Variants in PKD1L3 observed in about 807,000 individuals in gnomAD.
The protein encoded by PKD1L3 is polycystin 1 like 3, transient receptor potential channel interacting.
In PKD1L3, 239 loss-of-function variants were observed where a neutral mutation model predicts 184.1. That is an observed-to-expected ratio of 1.30 (90% CI 1.17 to 1.45). The LOEUF is 1.45. Among genes scored for constraint, PKD1L3 ranks in the 40% most tolerant of loss-of-function variants. The probability of loss-of-function intolerance (pLI) is 0.00; values close to 1 mark genes in which losing one functional copy is unlikely to be tolerated. For missense variants in PKD1L3, 2,660 were observed against 2,067.2 expected, an observed-to-expected ratio of 1.29 and a Z score of -5.56; for synonymous variants, 996 against 778.8, an observed-to-expected ratio of 1.28 and a Z score of -4.64.
rs1418897327 is a variant in PKD1L3 at position 71,947,550 on chromosome 16, C to T, written c.3660G>A (p.Arg1220=). 6.5e-7 allele frequency: 1 copy of T among 1,548,108 alleles called. No homozygotes were observed. The highest frequency in any genetic ancestry group is 1.4e-5 in the African/African-American group (1 of 73,060). ...CATTCTCTTTGTTAAGCCGTGGCATCCTGCTCATCATCAGTGAGTATAAGA... is the reference window on the plus strand; with the variant it reads ...CATTCTCTTTGTTAAGCCGTGGCATTCTGCTCATCATCAGTGAGTATAAGA... ...FTFLYSLMMS[R]MPRLNKENEQ... is the part of the protein sequence containing the mutation. Residue 1220 remains arginine (R), a synonymous_variant, in exon 22 of 30, where the codon AGG becomes AGA. Coordinates refer to ENST00000620267, the MANE Select transcript of PKD1L3 (RefSeq NM_181536.2).
At chr16:71,955,082 G>T (rs2038993503) in intron 16 of PKD1L3, among the ~76,000 whole-genome samples, 1 of 152,188 alleles carries the variant, frequency 6.6e-6, no homozygotes, top group African/African-American at 2.4e-5. Flanking sequence ...TAAGTCAAGA[G>T]ATCCAAGGCT....
intron 26 of PKD1L3, 37 bp from the exon 27 acceptor site, chr16:71,934,162 G>T (rs931555281): frequency 2.7e-5 from 42 of 1,543,968 alleles, no homozygotes; most frequent in Non-Finnish European, 3.7e-5. Flanking sequence ...TCAGCAAGAA[G>T]TATGTGCCTA....
chr16:71,944,471 A>G (rs1209001887), intron 22 of PKD1L3, among the ~76,000 whole-genome samples: 1 of 152,098 alleles, frequency 6.6e-6, no homozygotes, highest in East Asian at 1.9e-4. Flanking sequence ...GGATCACTTG[A>G]GGCCAGGAGT....
chr16:71,983,454 G>C (rs1437548767), intron 6 of PKD1L3, among the ~76,000 whole-genome samples: 1 of 151,940 alleles, frequency 6.6e-6, no homozygotes, highest in East Asian at 1.9e-4. Flanking sequence ...ACTGAATGCC[G>C]ACAGACTTCT....
chr16:71,942,423 T>C (rs973294301), intron 24 of PKD1L3, 137 bp downstream of exon 24: 1 of 669,422 alleles, frequency 1.5e-6, no homozygotes, highest in South Asian at 2.0e-5. Context: ...CTTTTGGAGA[T>C]GTAAGTCTCC....
chr16:71,978,686 C>A (rs753070172), intron 9 of PKD1L3, among the ~76,000 whole-genome samples: 3 of 151,598 alleles, frequency 2.0e-5, no homozygotes, highest in Admixed American at 6.6e-5. Flanking sequence ...ACTACAGGTG[C>A]ACACCACCAT....
rs183432663 is a variant in PKD1L3, at chr16:71,959,038, T to A, written c.2612+4167A>T. Among the ~76,000 whole-genome samples the A allele has an allele frequency of 9.9e-3, 1,358 of 137,624 alleles. 10 individuals are homozygous for A. Among genetic ancestry groups the A allele is most frequent in the Non-Finnish European group, 0.015 (1,002 of 65,834 alleles). 90.3% of individuals were successfully genotyped at this position (137,624 alleles called of 152,430 possible). A position where few individuals can be genotyped will look rare whatever the true frequency, so the allele number is the denominator to read the frequency against. ...GGCAGAGGTTATAGTAAGCTGAGATTGCACCACTGCACTCCAGCCTGGATG... is the reference window on the plus strand; with the variant it reads ...GGCAGAGGTTATAGTAAGCTGAGATAGCACCACTGCACTCCAGCCTGGATG... On this transcript the variant is annotated intron_variant, in intron 16 of 29. Coordinates refer to ENST00000620267, the MANE Select transcript of PKD1L3 (RefSeq NM_181536.2).
intron 3 of PKD1L3, among the ~76,000 whole-genome samples, 198 bp downstream of exon 3, chr16:71,993,018 C>T (rs541491861): frequency 7.9e-5 from 12 of 152,260 alleles, no homozygotes; most frequent in South Asian, 2.1e-4. Flanking sequence ...TATGAAAAGA[C>T]GGCGGCCAAG....
At chr16:71,966,250 G>A (rs765123232) in intron 15 of PKD1L3, among the ~76,000 whole-genome samples, 1 of 151,902 alleles carries the variant, frequency 6.6e-6, no homozygotes, top group South Asian at 2.1e-4. Flanking sequence ...TTAATTAATT[G>A]TATCATCTAC....
At chr16:71,953,115 A>C in intron 17 of PKD1L3, 22 bp from the exon 18 acceptor site, 1 of 1,437,704 alleles carries the variant, frequency 7.0e-7, no homozygotes, top group Non-Finnish European at 9.2e-7. Flanking sequence ...GCATGACATC[A>C]ACTTTCATCT....
chr16:71,956,439 C>T (rs527774021), intron 16 of PKD1L3, among the ~76,000 whole-genome samples: 118 of 151,518 alleles, frequency 7.8e-4, no homozygotes, highest in Non-Finnish European at 1.4e-3. Context: ...GTGATCCACC[C>T]GACCCGGCCT....
intron 22 of PKD1L3, among the ~76,000 whole-genome samples, chr16:71,946,787 G>A (rs1416695799): frequency 1.5e-4 from 1 of 6,490 alleles, no homozygotes; most frequent in Non-Finnish European, 2.6e-4. Flanking sequence ...GAGCAGTGGA[G>A]AACAGCACCT....
intron 8 of PKD1L3, 41 bp downstream of exon 8, chr16:71,979,966 A>G (rs1460011795): frequency 2.6e-6 from 4 of 1,549,936 alleles, no homozygotes; most frequent in East Asian, 2.4e-5. Flanking sequence ...CTGAAAGTGA[A>G]AAACACAGTG....
At chr16:71,975,585 C>T (rs1392137676) in intron 11 of PKD1L3, among the ~76,000 whole-genome samples, 1 of 152,172 alleles carries the variant, frequency 6.6e-6, no homozygotes, top group Admixed American at 6.6e-5. Flanking sequence ...AGCCTTACTT[C>T]TGCTGTGGGT....
At chr16:71,946,137 T>C (rs1439863472) in intron 22 of PKD1L3, among the ~76,000 whole-genome samples, 1 of 152,170 alleles carries the variant, frequency 6.6e-6, no homozygotes, top group Non-Finnish European at 1.5e-5. Context: ...TTTGTATTTT[T>C]AGTAGAGACA....
intron 12 of PKD1L3, among the ~76,000 whole-genome samples, chr16:71,971,020 C>T (rs570379431): frequency 6.6e-6 from 1 of 152,150 alleles, no homozygotes. Context: ...AGGCGATTGT[C>T]TTGTTCACTG....
At chr16:71,944,369 T>C (rs1321494129) in intron 22 of PKD1L3, among the ~76,000 whole-genome samples, 199 bp from the exon 23 acceptor site, 2 of 152,162 alleles carry the variant, frequency 1.3e-5, no homozygotes, top group African/African-American at 4.8e-5. Context: ...ACTGATACTT[T>C]TGTACAATAC....
chr16:71,975,167 T>C (rs1359402637), intron 11 of PKD1L3, among the ~76,000 whole-genome samples: 1 of 151,974 alleles, frequency 6.6e-6, no homozygotes, highest in African/African-American at 2.4e-5. Flanking sequence ...GCAATCCTCT[T>C]GCCTCAGCCT....
intron 3 of PKD1L3, among the ~76,000 whole-genome samples, chr16:71,992,192 A>G (rs2040613828): frequency 6.6e-6 from 1 of 152,200 alleles, no homozygotes; most frequent in Non-Finnish European, 1.5e-5. Flanking sequence ...AACTTTTTAA[A>G]GGACCCTACG....
Sources: allele counts gnomAD v4.1 joint callset (sites outside exome capture counted in the v4.1 genomes callset), GRCh38; gene constraint gnomAD v4.1.1; transcripts MANE v1.5; gene names NCBI Gene and HGNC (gene_info 2026-07-23, HGNC 2026-07-21).